The following DNAH17 variants were observed in gnomAD, a reference collection of about 807,000 sequenced individuals.
The protein encoded by DNAH17 is axonemal beta dynein heavy chain 17.
DNAH17 carries 376 observed loss-of-function variants against 485.6 expected under a neutral mutation model. That is an observed-to-expected ratio of 0.77 (90% CI 0.71 to 0.84). The LOEUF (loss-of-function observed/expected upper bound fraction) is 0.84, where lower values mean the gene tolerates loss of function less well. DNAH17 is among the 40% of genes least tolerant of loss of function. The pLI, the probability that DNAH17 is intolerant of heterozygous loss-of-function variation, is 0.00. For missense variants in DNAH17, 6,370 were observed against 5,839.3 expected (o/e 1.09, Z -2.96); for synonymous variants, 3,031 against 2,405.9 (o/e 1.26, Z -7.60).
rs377228141 is a variant in DNAH17, at chr17:78,499,155, C to A, written c.5641-43G>T. ...GAGAAAGGAAGAGCTGGGAGGGTGA[C>A]AGGGAGGGCGGGCGCTGCAGGGGCC... On this transcript the variant is annotated intron_variant, in intron 36 of 80. Coordinates refer to ENST00000389840, the MANE Select transcript of DNAH17 (RefSeq NM_173628.4). 1.4e-4 allele frequency: 204 copies of A among 1,427,872 alleles called. No individual in the cohort carries two copies. The African/African-American group carries it at 2.3e-3, about 16-fold the overall frequency. The allele number at this position is 1,427,872 out of a possible 1,614,324, so 88.5% of individuals were successfully genotyped here. A position where few individuals can be genotyped will look rare whatever the true frequency, so the allele number is the denominator to read the frequency against.
intron 26 of DNAH17, among the ~76,000 whole-genome samples, chr17:78,512,369 G>A (rs2143097389): frequency 6.6e-6 from 1 of 152,208 alleles, no homozygotes; most frequent in Non-Finnish European, 1.5e-5. Flanking sequence ...CTCACTCAGA[G>A]CTTTTCCTTC....
chr17:78,490,780 C>T lies in DNAH17; in HGVS notation c.6737G>A (p.Ser2246Asn), dbSNP rs1346038511. The change falls in exon 44 of 81, where the codon AGC (serine) becomes AAC (asparagine). Residue 2246 changes from serine to asparagine, a missense_variant. Physicochemically the swap from Ser to Asn is conservative, Grantham distance 46. Transcript: ENST00000389840. Reference sequence around the variant, plus strand: ...GGCTGGGGTGGCCGTCCTCAGGTGGCTGATTTCGAACACCAGCCTCATGGT... The same window carrying T: ...GGCTGGGGTGGCCGTCCTCAGGTGGTTGATTTCGAACACCAGCCTCATGGT... Reference protein sequence around the residue: ...NRTMRLVFEISHLRTATPATV... With the variant: ...NRTMRLVFEINHLRTATPATV... 1 of 1,604,944 alleles carries T rather than the reference C, an allele frequency of 6.2e-7. No homozygotes were observed. Among genetic ancestry groups the T allele is most frequent in the African/African-American group, 1.3e-5 (1 of 74,744 alleles).
intron 31 of DNAH17, among the ~76,000 whole-genome samples, chr17:78,503,437 G>T (rs902910213): frequency 3.3e-5 from 5 of 149,508 alleles, no homozygotes; most frequent in Middle Eastern, 3.5e-3. Flanking sequence ...CGCCCACCTC[G>T]GCCTCCTAAA....
At chr17:78,485,150 A>C in intron 47 of DNAH17, 117 bp from the exon 48 acceptor site, 1 of 1,329,890 alleles carries the variant, frequency 7.5e-7, no homozygotes, top group African/African-American at 1.5e-5. Flanking sequence ...GCTGGGATCC[A>C]AGTTTACCAA....
At chr17:78,428,847 T>C in intron 76 of DNAH17, 140 bp from the exon 77 acceptor site, 2 of 1,083,914 alleles carry the variant, frequency 1.8e-6, no homozygotes, top group South Asian at 3.0e-5. Context: ...CAGCCCCCTT[T>C]GTGGGCTGCC....
Position 78,444,611 on chromosome 17 carries a change from C to A in DNAH17, c.11521G>T (p.Ala3841Ser), listed in dbSNP as rs1249817078. 2 of 1,563,230 alleles carry A rather than the reference C, an allele frequency of 1.3e-6. No homozygotes were observed. Among genetic ancestry groups the A allele is most frequent in the East Asian group, 4.8e-5 (2 of 42,020 alleles). Residue 3841 changes from alanine to serine, a missense_variant, in exon 71 of 81, where the codon GCT (alanine) becomes TCT (serine). Ala to Ser is a moderately conservative substitution (Grantham distance 99). Transcript: ENST00000389840. ...RCLRPDRMTYAIKNFVEEKMG... is the reference protein window; with the variant it reads ...RCLRPDRMTYSIKNFVEEKMG... ...GCGCGGCGGGACACTCACTTGATAG[C>A]GTAGGTCATGCGATCTGGCCGCAGG...
At chr17:78,559,249 G>T (rs1234129547) in intron 13 of DNAH17, among the ~76,000 whole-genome samples, 1 of 152,202 alleles carries the variant, frequency 6.6e-6, no homozygotes, top group Non-Finnish European at 1.5e-5. Context: ...GTGACTTCCA[G>T]CCTTCTGTAT....
chr17:78,426,810 G>C, intron 78 of DNAH17, 116 bp downstream of exon 78: 2 of 1,333,748 alleles, frequency 1.5e-6, no homozygotes, highest in African/African-American at 1.5e-5. Context: ...GCTCTGGAGA[G>C]GGAGCAGTAC....
At chr17:78,508,487 A>C (rs888627512) in intron 27 of DNAH17, among the ~76,000 whole-genome samples, 4 of 152,248 alleles carry the variant, frequency 2.6e-5, no homozygotes, top group Admixed American at 2.6e-4. Context: ...CCCATACCAC[A>C]GAAAACTTGG....
chr17:78,478,707 TCAC>T (rs1451154575), intron 51 of DNAH17, among the ~76,000 whole-genome samples: 6 of 137,528 alleles, frequency 4.4e-5, no homozygotes, highest in South Asian at 4.3e-4. Flanking sequence ...ATCATTACCA[TCAC>T]CACCACTATT....
Position 78,459,906 on chromosome 17 carries a change from C to T in DNAH17, c.9531G>A (p.Lys3177=), listed in dbSNP as rs1180018001. The change falls in exon 60 of 81, where the codon AAG becomes AAA. Residue 3177 remains lysine, a synonymous_variant. Transcript: ENST00000389840. Reference sequence around the variant, plus strand: ...CCTTCCAGCTCTTGTCCTTGGGGATCTTGCCCCCAGGTGCGGTCAGAATCA... The same window carrying T: ...CCTTCCAGCTCTTGTCCTTGGGGATTTTGCCCCCAGGTGCGGTCAGAATCA... ...AVMILTAPGG[K]IPKDKSWKAA... The T allele has an allele frequency of 6.2e-6, 10 of 1,613,932 alleles. No homozygotes were observed. Among genetic ancestry groups the T allele is most frequent in the Non-Finnish European group, 7.6e-6 (9 of 1,179,906 alleles).
In DNAH17 at chr17:78,558,164, C is replaced by T. The variant is rs376958134; in HGVS notation, c.2122G>A (p.Glu708Lys). 24 of 1,613,650 alleles carry T rather than the reference C, an allele frequency of 1.5e-5. No individual in the cohort carries two copies. The highest frequency in any genetic ancestry group is 8.3e-5 in the Admixed American group (5 of 59,962). Residue 708 changes from glutamate to lysine, a missense_variant, in exon 14 of 81, where the codon GAA becomes AAA. Coordinates refer to ENST00000389840, the MANE Select transcript of DNAH17 (RefSeq NM_173628.4). The part of the protein sequence containing the change: ...DSAESLFSEN[E>K]TFRKFVGNLE... ...TTGCCCACAAACTTCCGGAAAGTTT[C>T]GTTCTCTGAGAACAGACTCTCCGCA...
At chr17:78,468,017 A>AG (rs1491474531) in intron 55 of DNAH17, among the ~76,000 whole-genome samples, 1 of 50,184 alleles carries the variant, frequency 2.0e-5, no homozygotes, top group Non-Finnish European at 5.0e-5. Flanking sequence ...ACTCCATCTC[A>AG]AAAAAAAAAA....
rs1245139909 is a variant in DNAH17, at chr17:78,455,638, C to T, written c.10170+6G>A. Reference sequence around the variant, plus strand: ...CACCGCGCCTGGCCAGGACTCCACTCCTTACCTTTAAGTTATGTATGTAAG... The same window carrying T: ...CACCGCGCCTGGCCAGGACTCCACTTCTTACCTTTAAGTTATGTATGTAAG... On this transcript the variant is annotated splice_donor_region_variant and intron_variant, in intron 63 of 80. Coordinates refer to ENST00000389840, the MANE Select transcript of DNAH17 (RefSeq NM_173628.4). 3.9e-6 allele frequency: 6 copies of T among 1,541,044 alleles called. No individual in the cohort carries two copies. The highest frequency in any genetic ancestry group is 5.3e-6 in the Non-Finnish European group (6 of 1,141,450).
intron 71 of DNAH17, among the ~76,000 whole-genome samples, chr17:78,442,658 T>C (rs1183974681): frequency 6.6e-6 from 1 of 152,244 alleles, no homozygotes; most frequent in East Asian, 1.9e-4. Flanking sequence ...TCACCACCTC[T>C]GACATGGTGG....
chr17:78,462,667 A>G (rs939178905), intron 57 of DNAH17, among the ~76,000 whole-genome samples, 177 bp downstream of exon 57: 1 of 152,198 alleles, frequency 6.6e-6, no homozygotes, highest in Non-Finnish European at 1.5e-5. Context: ...TGTTACGACA[A>G]GTATACTAAC....
intron 37 of DNAH17, chr17:78,497,016 C>T (rs931647570): frequency 6.6e-6 from 1 of 152,218 alleles, no homozygotes; most frequent in African/African-American, 2.4e-5. Flanking sequence ...TGGAGATGCA[C>T]CCAGGCTGTT....
In DNAH17 at chr17:78,427,057, T is replaced by G. The variant is rs965768945; in HGVS notation, c.12640A>C (p.Met4214Leu). ...GCTGCCTTTGCCATGATCTCAGCCA[T>G]GTTGAAAGTCTCCGGAATCTTCTCC... ...ILEKIPETFN[M>L]AEIMAKAAEK... The change falls in exon 78 of 81, where the codon ATG becomes CTG. Residue 4214 changes from methionine (M) to leucine (L), a missense_variant. Transcript: ENST00000389840. 3.1e-6 allele frequency: 5 copies of G among 1,598,742 alleles called. No homozygotes were observed. In the Admixed American group the frequency reaches 8.7e-5, roughly 28 times the overall value.
At position 78,571,656 on chromosome 17, in the gene DNAH17, G is replaced by A; in HGVS notation, c.666C>T (p.Pro222=). The change falls in exon 4 of 81, where the codon CCC becomes CCT. Residue 222 remains proline, a synonymous_variant. Transcript: ENST00000389840. ...SAQALLDGLH[P]LPQVEFEFWD... ...AGAACTCGAACTCCACTTGGGGCAGGGGGTGCAGCCCATCCAGCAGCGCCT... is the reference window on the plus strand; with the variant it reads ...AGAACTCGAACTCCACTTGGGGCAGAGGGTGCAGCCCATCCAGCAGCGCCT... 1 of 1,614,026 alleles carries A rather than the reference G, an allele frequency of 6.2e-7. No homozygotes were observed. Among genetic ancestry groups the A allele is most frequent in the Non-Finnish European group, 8.5e-7 (1 of 1,179,902 alleles).
Sources: allele counts gnomAD v4.1 joint callset (sites outside exome capture counted in the v4.1 genomes callset), GRCh38; gene constraint gnomAD v4.1.1; transcripts MANE v1.5; gene names NCBI Gene and HGNC (gene_info 2026-07-23, HGNC 2026-07-21).